Variants in SCG5 observed in about 807,000 individuals in gnomAD.
SCG5 encodes neuroendocrine protein 7B2.
SCG5 carries 18 observed loss-of-function variants against 25.7 expected under a neutral mutation model. The observed-to-expected ratio is 0.70, with a 90% confidence interval of 0.48 to 1.04. SCG5 has a LOEUF of 1.04. SCG5 is among the 50% of genes least tolerant of loss of function. The pLI is 0.00. For synonymous variants in SCG5, 101 were observed against 91.7 expected (o/e 1.10, Z -0.58); for missense variants, 206 against 259.8 (o/e 0.79, Z 1.42).
In SCG5 at chr15:32,691,836, C is replaced by T. The variant is rs1362151510; in HGVS notation, c.543+73C>T. The T allele has an allele frequency of 5.7e-6, 9 of 1,573,992 alleles. No homozygotes were observed. The East Asian group carries it at 1.6e-4, about 28-fold the overall frequency. On this transcript the variant is annotated intron_variant, in intron 5 of 5. Transcript: ENST00000300175. ...GAGTGGGGCAGTGAACAGGCTGAAA[C>T]CCTCGCTTGTTGGGAAGTCACAGAA...
chr15:32,649,219 G>A (rs2053996459), intron 2 of SCG5, among the ~76,000 whole-genome samples: 1 of 152,178 alleles, frequency 6.6e-6, no homozygotes, highest in African/African-American at 2.4e-5. Context: ...AATATTTGAG[G>A]AATTAATGTA....
intron 5 of SCG5, among the ~76,000 whole-genome samples, chr15:32,692,820 G>T (rs538235111): frequency 2.0e-5 from 3 of 152,132 alleles, no homozygotes; most frequent in Non-Finnish European, 4.4e-5. Context: ...TCTGGCCTCA[G>T]CATCAGTCCT....
At chr15:32,684,502 T>G in intron 3 of SCG5, 55 bp from the exon 4 acceptor site, 1 of 1,115,936 alleles carries the variant, frequency 9.0e-7, no homozygotes, top group South Asian at 1.3e-5. Flanking sequence ...AAATTAACTC[T>G]TAGAATAATG....
chr15:32,650,393 G>A (rs545714477), intron 2 of SCG5, among the ~76,000 whole-genome samples: 2 of 152,274 alleles, frequency 1.3e-5, no homozygotes, highest in South Asian at 2.1e-4. Flanking sequence ...GAGCCACCAC[G>A]CCCGGCGCCC....
At chr15:32,661,071 C>CT (rs1437972812) in intron 2 of SCG5, among the ~76,000 whole-genome samples, 1 of 152,096 alleles carries the variant, frequency 6.6e-6, no homozygotes, top group African/African-American at 2.4e-5. Context: ...GTGCCAAACA[C>CT]TTTATGTATT....
At chr15:32,686,805 T>G (rs1322865423) in intron 4 of SCG5, among the ~76,000 whole-genome samples, 1 of 152,186 alleles carries the variant, frequency 6.6e-6, no homozygotes, top group African/African-American at 2.4e-5. Context: ...AGAGAGCTTA[T>G]AGTCCCACGG....
rs1004282973 is a variant in SCG5 at position 32,676,483 on chromosome 15, C to T, written c.227-3283C>T. Among the ~76,000 whole-genome samples the T allele has an allele frequency of 9.3e-4, 142 of 152,216 alleles. 2 individuals carry two copies. The highest frequency in any genetic ancestry group is 1.0e-4 in the Non-Finnish European group (7 of 68,028). On this transcript the variant is annotated intron_variant, in intron 2 of 5. Transcript: ENST00000300175. ...TTTCAAAAGTTGAGACATGTACTGA[C>T]ACACCAGAGAGCCTGCCCTATAGCA...
intron 2 of SCG5, among the ~76,000 whole-genome samples, chr15:32,663,384 C>T (rs923074443): frequency 1.3e-5 from 2 of 151,932 alleles, no homozygotes; most frequent in African/African-American, 4.8e-5. Flanking sequence ...GTGAATTTGC[C>T]TCTTCTGGAC....
At chr15:32,644,736 A>G (rs1309136999) in intron 2 of SCG5, among the ~76,000 whole-genome samples, 1 of 152,218 alleles carries the variant, frequency 6.6e-6, no homozygotes, top group Non-Finnish European at 1.5e-5. Context: ...ATTTCCTTAT[A>G]GTTCAAGGAT....
chr15:32,674,742 C>T (rs73371056), intron 2 of SCG5, among the ~76,000 whole-genome samples: 2,449 of 152,240 alleles, frequency 0.016, 60 homozygotes, highest in African/African-American at 0.057. Context: ...GAGACTCAAA[C>T]CAACCAGGTC....
At chr15:32,687,544 T>TG (rs1311129409) in intron 4 of SCG5, among the ~76,000 whole-genome samples, 1 of 152,254 alleles carries the variant, frequency 6.6e-6, no homozygotes, top group East Asian at 1.9e-4. Flanking sequence ...TTTTCTAAAC[T>TG]GGGAACCACA....
At chr15:32,654,640 TG>T (rs2054085058) in intron 2 of SCG5, among the ~76,000 whole-genome samples, 1 of 152,216 alleles carries the variant, frequency 6.6e-6, no homozygotes, top group Non-Finnish European at 1.5e-5. Context: ...GATACTTCTT[TG>T]TATTTGCTTC....
intron 2 of SCG5, among the ~76,000 whole-genome samples, chr15:32,652,610 T>A (rs958365443): frequency 6.6e-6 from 1 of 152,166 alleles, no homozygotes; most frequent in Non-Finnish European, 1.5e-5. Context: ...AAAAGGAAAG[T>A]GGCAAAGGTG....
chr15:32,667,938 C>T (rs2054350084), intron 2 of SCG5, among the ~76,000 whole-genome samples: 1 of 152,148 alleles, frequency 6.6e-6, no homozygotes. Flanking sequence ...GCCTCCCAAA[C>T]TTCTGGGATT....
chr15:32,669,461 C>T (rs757756494), intron 2 of SCG5, among the ~76,000 whole-genome samples: 1 of 152,144 alleles, frequency 6.6e-6, no homozygotes, highest in Non-Finnish European at 1.5e-5. Flanking sequence ...TAACTGATAC[C>T]TCAACTTAAG....
chr15:32,643,801 G>A lies in SCG5; in HGVS notation c.209G>A (p.Gly70Asp). Residue 70 changes from glycine (G) to aspartate (D), a missense_variant, in exon 2 of 6, where the codon GGC becomes GAC. Coordinates refer to ENST00000300175, the MANE Select transcript of SCG5 (RefSeq NM_001144757.3). ...YPAHQAMNLVGPQSIEGGAHE... is the reference protein window; with the variant it reads ...YPAHQAMNLVDPQSIEGGAHE... ...GCTCACCAGGCCATGAATCTTGTGG[G>A]CCCCCAGAGCATTGAAGGTATTTAC... is the stretch of plus-strand genomic sequence containing the variant. 2.5e-6 allele frequency: 4 copies of A among 1,613,442 alleles called. No homozygotes were observed. The highest frequency in any genetic ancestry group is 3.4e-6 in the Non-Finnish European group (4 of 1,179,780).
intron 2 of SCG5, among the ~76,000 whole-genome samples, chr15:32,651,259 T>G (rs1595790895): frequency 6.6e-6 from 1 of 152,328 alleles, no homozygotes; most frequent in East Asian, 1.9e-4. Context: ...GGACTTCAAA[T>G]TTTTCACTTA....
chr15:32,695,037 A>G (rs1290712497), intron 5 of SCG5, among the ~76,000 whole-genome samples: 2 of 144,148 alleles, frequency 1.4e-5, no homozygotes, highest in Non-Finnish European at 3.0e-5. Flanking sequence ...CTTTTTTGAG[A>G]TGGAGTCTCG....
intron 2 of SCG5, among the ~76,000 whole-genome samples, chr15:32,657,112 T>C (rs1353938447): frequency 2.1e-5 from 3 of 145,900 alleles, no homozygotes; most frequent in Non-Finnish European, 4.5e-5. Context: ...TTAAATAATA[T>C]ATATAAACGT....
Sources: allele counts gnomAD v4.1 joint callset (sites outside exome capture counted in the v4.1 genomes callset), GRCh38; gene constraint gnomAD v4.1.1; transcripts MANE v1.5; gene names NCBI Gene and HGNC (gene_info 2026-07-23, HGNC 2026-07-21).